The following FBXO15 variants were observed in gnomAD, a reference collection of about 807,000 sequenced individuals.
The protein encoded by FBXO15 is F-box protein 15.
In FBXO15, 30 loss-of-function variants were observed where a neutral mutation model predicts 49.5. The ratio of observed to expected loss-of-function variants is 0.61; its 90% CI spans 0.45 to 0.82. The LOEUF (loss-of-function observed/expected upper bound fraction) is 0.82, where lower values mean the gene tolerates loss of function less well. Among genes scored for constraint, FBXO15 ranks in the 40% least tolerant of loss-of-function variants. The probability of loss-of-function intolerance (pLI) is 0.00; values close to 1 mark genes in which losing one functional copy is unlikely to be tolerated. For missense variants in FBXO15, 591 were observed against 631.5 expected (o/e 0.94, Z 0.69); for synonymous variants, 250 against 232.7 (o/e 1.07, Z -0.68).
At chr18:74,109,470 C>T (rs1222531910) in intron 8 of FBXO15, among the ~76,000 whole-genome samples, 1 of 152,178 alleles carries the variant, frequency 6.6e-6, no homozygotes, top group Non-Finnish European at 1.5e-5. Flanking sequence ...CCAGCAATCC[C>T]ATTACTGGGT....
At chr18:74,118,426 A>ATACACACATATACACATATATATATG (rs1568171815) in intron 8 of FBXO15, among the ~76,000 whole-genome samples, 1 of 148,886 alleles carries the variant, frequency 6.7e-6, no homozygotes, top group African/African-American at 2.5e-5. Flanking sequence ...ATATATATAT[A>ATACACACATATACACATATATATATG]TGTGTATATA....
At chr18:74,142,759 GA>G (rs1220211207) in intron 1 of FBXO15, among the ~76,000 whole-genome samples, 4 of 152,154 alleles carry the variant, frequency 2.6e-5, no homozygotes, top group Admixed American at 1.3e-4. Flanking sequence ...TATATCTAAA[GA>G]AAGTCACATC....
intron 1 of FBXO15, 110 bp from the exon 2 acceptor site, chr18:74,140,422 G>T: frequency 1.1e-6 from 1 of 935,528 alleles, no homozygotes; most frequent in South Asian, 2.4e-5. Flanking sequence ...ATTACTCACT[G>T]AAAAACTTAA....
At chr18:74,145,754 T>C (rs1203454593) in intron 1 of FBXO15, among the ~76,000 whole-genome samples, 1 of 152,062 alleles carries the variant, frequency 6.6e-6, no homozygotes, top group African/African-American at 2.4e-5. Flanking sequence ...CCCGCCACCA[T>C]GCCGGGCTAA....
intron 8 of FBXO15, among the ~76,000 whole-genome samples, chr18:74,120,832 T>A (rs928442534): frequency 6.6e-6 from 1 of 150,770 alleles, no homozygotes; most frequent in African/African-American, 2.4e-5. Context: ...TGCAAATCAA[T>A]GAAATACAAA....
intron 2 of FBXO15, among the ~76,000 whole-genome samples, chr18:74,137,576 C>T (rs1337338002): frequency 6.6e-6 from 1 of 152,192 alleles, no homozygotes; most frequent in Non-Finnish European, 1.5e-5. Context: ...AGGAGAAAAT[C>T]TCTACTTTAT....
chr18:74,081,634 A>C (rs1912498985), intron 9 of FBXO15, among the ~76,000 whole-genome samples: 1 of 152,142 alleles, frequency 6.6e-6, no homozygotes, highest in Admixed American at 6.5e-5. Context: ...GCTTTGAGAG[A>C]GTAGGGGACT....
At chr18:74,110,858 A>G (rs1300043997) in intron 8 of FBXO15, among the ~76,000 whole-genome samples, 7 of 152,226 alleles carry the variant, frequency 4.6e-5, no homozygotes, top group Non-Finnish European at 1.0e-4. Flanking sequence ...CCAAAATGCC[A>G]TAACAATTCT....
rs1979531696 is a variant in FBXO15 at position 74,147,671 on chromosome 18, T to C, written c.115A>G (p.Arg39Gly). The change falls in exon 1 of 10, where the codon AGA (arginine) becomes GGA (glycine). Residue 39 changes from arginine (R) to glycine (G), a missense_variant and splice_region_variant. Coordinates refer to ENST00000419743, the MANE Select transcript of FBXO15 (RefSeq NM_001142958.2). ...ARGRARAFGC[R>G]KGPGVKLSAG... ...CCCACCCGCAGGCCCTACAGTCACC[T>C]GCACCCAAAGGCCCTGGCGCGCCCC... is the stretch of plus-strand genomic sequence containing the variant. The C allele has an allele frequency of 1.4e-6, 2 of 1,473,476 alleles. No individual in the cohort carries two copies. The highest frequency in any genetic ancestry group is 1.8e-6 in the Non-Finnish European group (2 of 1,117,346). 91.3% of individuals were successfully genotyped at this position (1,473,476 alleles called of 1,614,324 possible).
At chr18:74,112,813 TG>T (rs1407739514) in intron 8 of FBXO15, among the ~76,000 whole-genome samples, 1 of 152,242 alleles carries the variant, frequency 6.6e-6, no homozygotes, top group Non-Finnish European at 1.5e-5. Context: ...CACCAAATGC[TG>T]GTAAGACTGT....
rs536012554 is a variant in FBXO15 at position 74,101,688 on chromosome 18, G to T, written c.1139-19637C>A. On this transcript the variant is annotated intron_variant, in intron 8 of 9. Coordinates refer to ENST00000419743, the MANE Select transcript of FBXO15 (RefSeq NM_001142958.2). ...ACTAAGCAAAAAGAACAAATCTGGT[G>T]GCAACACATTAACCTGATTTCAAAC... is the stretch of plus-strand genomic sequence containing the variant. Among the ~76,000 whole-genome samples, 5 of 152,188 alleles carry T rather than the reference G, an allele frequency of 3.3e-5. No individual in the cohort carries two copies. In the South Asian group the frequency reaches 1.0e-3, roughly 32 times the overall value.
chr18:74,134,355 T>C (rs1568180254), intron 3 of FBXO15, among the ~76,000 whole-genome samples: 2 of 150,710 alleles, frequency 1.3e-5, no homozygotes, highest in African/African-American at 4.9e-5. Flanking sequence ...TTCATTAGTA[T>C]GACCTGGAGA....
chr18:74,089,159 G>A (rs1390433601), intron 8 of FBXO15, among the ~76,000 whole-genome samples: 1 of 152,008 alleles, frequency 6.6e-6, no homozygotes, highest in African/African-American at 2.4e-5. Flanking sequence ...ACAGGCCCCA[G>A]TGTGCGTTGT....
intron 8 of FBXO15, among the ~76,000 whole-genome samples, chr18:74,107,839 T>G (rs1913838652): frequency 6.6e-6 from 1 of 152,120 alleles, no homozygotes; most frequent in African/African-American, 2.4e-5. Context: ...TTAACAAGGC[T>G]TTTCCTCAAG....
Position 74,129,479 on chromosome 18 carries a change from T to G in FBXO15, c.711A>C (p.Ala237=), listed in dbSNP as rs111726894. The G allele has an allele frequency of 4.2e-4, 671 of 1,614,050 alleles. 2 individuals are homozygous for G. The African/African-American group carries it at 7.9e-3, about 19-fold the overall frequency. Residue 237 remains alanine, a synonymous_variant, in exon 5 of 10, where the codon GCA becomes GCC. Transcript: ENST00000419743. ...CACATAAATCTAAGGTTGACAATGA[T>G]GCTAGGCATGGCCATTTTTTGCCAT... The part of the protein sequence containing the change: ...IWYGKKWPCL[A]SLSTLDLCGM...
rs777121725 is a variant in FBXO15 at position 74,103,317 on chromosome 18, TAGTC to T, written c.1138+20047_1138+20050del. Among the ~76,000 whole-genome samples, 11 of 151,038 alleles carry T rather than the reference TAGTC, an allele frequency of 7.3e-5. No individual in the cohort carries two copies. In the East Asian group the frequency reaches 9.7e-4, roughly 13 times the overall value. Reference sequence around the variant, plus strand: ...AGAAGGCAGGCCTTTTGAAAACACTTAGTCAGAGGAAAAAAGAAAAAAGAATGAA... The same window carrying T: ...AGAAGGCAGGCCTTTTGAAAACACTTAGAGGAAAAAAGAAAAAAGAATGAA... On this transcript the variant is annotated intron_variant, in intron 8 of 9. Coordinates refer to ENST00000419743, the MANE Select transcript of FBXO15 (RefSeq NM_001142958.2).
At chr18:74,124,632 T>C in intron 6 of FBXO15, 61 bp from the exon 7 acceptor site, 2 of 1,417,408 alleles carry the variant, frequency 1.4e-6, no homozygotes, top group East Asian at 2.3e-5. Flanking sequence ...TTTCACAAGA[T>C]CATTGTGAAG....
chr18:74,147,335 CA>C (rs888843412), intron 1 of FBXO15, among the ~76,000 whole-genome samples: 11 of 152,230 alleles, frequency 7.2e-5, no homozygotes, highest in East Asian at 3.9e-4. Context: ...AATACGAAGG[CA>C]GGGGCGGAGC....
intron 8 of FBXO15, among the ~76,000 whole-genome samples, chr18:74,113,516 T>C (rs1176622266): frequency 1.3e-5 from 2 of 152,212 alleles, no homozygotes; most frequent in South Asian, 2.1e-4. Flanking sequence ...GGAGAGGTTA[T>C]GGTTTTGTGG....
Sources: gnomAD v4.1 joint callset for allele counts (sites outside exome capture counted in the v4.1 genomes callset) on GRCh38, gnomAD v4.1.1 for gene constraint, MANE v1.5 for transcripts, NCBI Gene and HGNC (gene_info 2026-07-23, HGNC 2026-07-21) for gene names.